The following ZNF675 variants were observed in gnomAD, a reference collection of about 807,000 sequenced individuals.
The protein encoded by ZNF675 is TRAF6 inhibitory zinc finger.
A neutral mutation model predicts 56.1 loss-of-function variants in ZNF675; 36 were observed. That is an observed-to-expected ratio of 0.64 (90% CI 0.49 to 0.85). ZNF675 has a LOEUF of 0.85. Among genes scored for constraint, ZNF675 ranks in the 40% least tolerant of loss-of-function variants. ZNF675 has a pLI of 0.00. For missense variants in ZNF675, 663 were observed against 654.2 expected (o/e 1.01, Z -0.15); for synonymous variants, 200 against 218.9 (o/e 0.91, Z 0.76).
intron 1 of ZNF675, among the ~76,000 whole-genome samples, chr19:23,672,268 C>T (rs1433392068): frequency 6.8e-6 from 1 of 148,136 alleles, no homozygotes; most frequent in Non-Finnish European, 1.5e-5. Flanking sequence ...GAATACTCTA[C>T]TCCAGTATCA....
rs899460277 is a variant in ZNF675 at position 23,652,965 on chromosome 19, T to C, written c.*261A>G. ...TCTGATATTAAGATGTCAACAGATA[T>C]TAATGGCTATTTTACACTCTTTATA... On this transcript the variant is annotated 3_prime_UTR_variant, in exon 4 of 4. Coordinates refer to ENST00000359788, the MANE Select transcript of ZNF675 (RefSeq NM_138330.3). 1.7e-5 allele frequency: 5 copies of C among 298,362 alleles called. No individual in the cohort carries two copies. The highest frequency in any genetic ancestry group is 1.4e-4 in the Admixed American group (3 of 22,078). 18.5% of individuals were successfully genotyped at this position (298,362 alleles called of 1,614,324 possible). A position where few individuals can be genotyped will look rare whatever the true frequency, so the allele number is the denominator to read the frequency against.
rs139312557 is a variant in ZNF675 at position 23,653,866 on chromosome 19, G to A, written c.1067C>T (p.Thr356Ile). 6.2e-7 allele frequency: 1 copy of A among 1,613,836 alleles called. No homozygotes were observed. Among genetic ancestry groups the A allele is most frequent in the Non-Finnish European group, 8.5e-7 (1 of 1,179,876 alleles). The part of the protein sequence containing the change: ...GKAFNRSSKL[T>I]EHKNIHTGEQ... ...TCCAGTATGAATGTTTTTATGTTCA[G>A]TAAGTTTTGAGGATCGGTTAAAAGC... The change falls in exon 4 of 4, where the codon ACT becomes ATT. Residue 356 changes from threonine to isoleucine, a missense_variant. By Grantham distance (89) the Thr-to-Ile change is moderately conservative. Coordinates refer to ENST00000359788, the MANE Select transcript of ZNF675 (RefSeq NM_138330.3).
At chr19:23,672,325 A>G (rs564607775) in intron 1 of ZNF675, among the ~76,000 whole-genome samples, 75 of 151,766 alleles carry the variant, frequency 4.9e-4, no homozygotes, top group Non-Finnish European at 8.4e-4. Flanking sequence ...GATACCTTGT[A>G]AGTCTTAATC....
At chr19:23,682,209 T>A (rs868063502) in intron 1 of ZNF675, among the ~76,000 whole-genome samples, 2 of 151,840 alleles carry the variant, frequency 1.3e-5, no homozygotes, top group African/African-American at 2.4e-5. Flanking sequence ...CCATTTTATG[T>A]TCACCCTAAG....
chr19:23,652,913 T>A lies in ZNF675; in HGVS notation c.*313A>T. Reference sequence around the variant, plus strand: ...AAAGTCTTTAGACAGTAATTGCATTTATAATGCTTTTATTAAGTACCAACA... The same window carrying A: ...AAAGTCTTTAGACAGTAATTGCATTAATAATGCTTTTATTAAGTACCAACA... On this transcript the variant is annotated 3_prime_UTR_variant, in exon 4 of 4. Transcript: ENST00000359788. 4.9e-6 allele frequency: 1 copy of A among 205,094 alleles called. No individual in the cohort carries two copies. The highest frequency in any genetic ancestry group is 9.8e-6 in the Non-Finnish European group (1 of 101,628). The allele number at this position is 205,094 out of a possible 1,614,324, so 12.7% of individuals were successfully genotyped here. A position where few individuals can be genotyped will look rare whatever the true frequency, so the allele number is the denominator to read the frequency against.
intron 1 of ZNF675, among the ~76,000 whole-genome samples, chr19:23,677,274 A>T (rs201733768): frequency 1.3e-3 from 1 of 742 alleles, no homozygotes; most frequent in Non-Finnish European, 0.17. Context: ...CTCTACATCT[A>T]AAAAAAACCT....
At chr19:23,681,605 C>G (rs1968377504) in intron 1 of ZNF675, among the ~76,000 whole-genome samples, 2 of 151,712 alleles carry the variant, frequency 1.3e-5, no homozygotes, top group South Asian at 4.1e-4. Context: ...CACTCATTGT[C>G]TAACGTTTGA....
At chr19:23,658,840 G>GAA in intron 3 of ZNF675, among the ~76,000 whole-genome samples, 1 of 132,074 alleles carries the variant, frequency 7.6e-6, no homozygotes, top group African/African-American at 2.9e-5. Context: ...TAGATATATA[G>GAA]ATATATCTAT....
chr19:23,684,257 G>A (rs552821005), intron 1 of ZNF675, among the ~76,000 whole-genome samples: 10 of 142,742 alleles, frequency 7.0e-5, no homozygotes, highest in Admixed American at 1.4e-4. Context: ...TCGAGACTCC[G>A]TCTCAAAAAA....
At chr19:23,678,186 G>C (rs1599423144) in intron 1 of ZNF675, among the ~76,000 whole-genome samples, 1 of 151,216 alleles carries the variant, frequency 6.6e-6, no homozygotes, top group Non-Finnish European at 1.5e-5. Context: ...TGATAGAAAA[G>C]TTCGGTATTA....
rs199628076 is a variant in ZNF675 at position 23,674,847 on chromosome 19, C to CT, written c.4-11690dup. 7.9e-3 allele frequency among the ~76,000 whole-genome samples: 1,191 copies of CT among 151,392 alleles called. 44 individuals carry two copies. Among genetic ancestry groups the CT allele is most frequent in the Admixed American group, 0.059 (896 of 15,230 alleles). On this transcript the variant is annotated intron_variant, in intron 1 of 3. Transcript: ENST00000359788. The stretch of plus-strand genomic sequence containing the variant: ...ATTAGCTGGGCATGGTGGCACATGC[C>CT]TGTAATCCCAGCTACTTGGGAGGCT...
chr19:23,671,982 C>T (rs2144941598), intron 1 of ZNF675, among the ~76,000 whole-genome samples: 1 of 152,152 alleles, frequency 6.6e-6, no homozygotes, highest in African/African-American at 2.4e-5. Context: ...GTCAGCCTTA[C>T]ACAATTCTGT....
intron 1 of ZNF675, among the ~76,000 whole-genome samples, chr19:23,665,571 C>T (rs1354582052): frequency 6.6e-6 from 1 of 151,936 alleles, no homozygotes; most frequent in Admixed American, 6.5e-5. Flanking sequence ...TCTCGACTCA[C>T]TGCAACCTCC....
intron 1 of ZNF675, among the ~76,000 whole-genome samples, chr19:23,667,882 GTGTT>G (rs1968174803): frequency 6.7e-6 from 1 of 148,790 alleles, no homozygotes; most frequent in Non-Finnish European, 1.5e-5. Flanking sequence ...GCTGATTGGT[GTGTT>G]TACAAACCTT....
chr19:23,678,097 G>C (rs1424510557), intron 1 of ZNF675, among the ~76,000 whole-genome samples: 1 of 151,560 alleles, frequency 6.6e-6, no homozygotes, highest in Non-Finnish European at 1.5e-5. Context: ...CTCCAGCCTG[G>C]GCAACAAGAG....
chr19:23,687,145 G>C lies in ZNF675; in HGVS notation c.-112C>G. The C allele has an allele frequency of 7.6e-7, 1 of 1,309,012 alleles. No individual in the cohort carries two copies. The highest frequency in any genetic ancestry group is 1.1e-6 in the Non-Finnish European group (1 of 918,104). 81.1% of individuals were successfully genotyped at this position (1,309,012 alleles called of 1,614,324 possible). The stretch of plus-strand genomic sequence containing the variant: ...GAGCAGAGGACACAGAGCAATGAAA[G>C]CGAGACCTGGAGCTCCGGCTGCAGC... On this transcript the variant is annotated 5_prime_UTR_variant, in exon 1 of 4. Transcript: ENST00000359788.
In ZNF675 at chr19:23,679,392, A is replaced by G. The variant is rs558132007; in HGVS notation, c.3+7639T>C. 5.9e-5 allele frequency among the ~76,000 whole-genome samples: 9 copies of G among 151,604 alleles called. 1 individual carries two copies. Among genetic ancestry groups the G allele is most frequent in the African/African-American group, 2.2e-4 (9 of 41,108 alleles). ...CAACATATACAAAAATTAACAAGATAAATTAAAGACTTAAATGTAAAACTT... is the reference window on the plus strand; with the variant it reads ...CAACATATACAAAAATTAACAAGATGAATTAAAGACTTAAATGTAAAACTT... On this transcript the variant is annotated intron_variant, in intron 1 of 3. Transcript: ENST00000359788.
intron 3 of ZNF675, chr19:23,658,801 A>ATAGATCTATATC (rs1225993265): frequency 1.3e-5 from 2 of 151,844 alleles, no homozygotes; most frequent in East Asian, 1.9e-4. Context: ...ATCTATAGAT[A>ATAGATCTATATC]TCTATAGAGA....
At chr19:23,657,775 T>C (rs946166115) in intron 3 of ZNF675, among the ~76,000 whole-genome samples, 5 of 151,932 alleles carry the variant, frequency 3.3e-5, no homozygotes, top group East Asian at 1.9e-4. Flanking sequence ...AAAACAATCA[T>C]TGAAAATCAG....
Sources: allele counts gnomAD v4.1 joint callset (sites outside exome capture counted in the v4.1 genomes callset), GRCh38; gene constraint gnomAD v4.1.1; transcripts MANE v1.5; gene names NCBI Gene and HGNC (gene_info 2026-07-23, HGNC 2026-07-21).